The following ACSM3 variants were observed in gnomAD, a reference collection of about 807,000 sequenced individuals.
ACSM3 encodes the protein acyl-CoA synthetase medium chain family member 3.
In ACSM3, 61 loss-of-function variants were observed where a neutral mutation model predicts 74.1. The ratio of observed to expected loss-of-function variants is 0.82; its 90% CI spans 0.67 to 1.02. The LOEUF is 1.02. Among genes scored for constraint, ACSM3 ranks in the 50% least tolerant of loss-of-function variants. The probability of loss-of-function intolerance (pLI) is 0.00; values close to 1 mark genes in which losing one functional copy is unlikely to be tolerated. For synonymous variants in ACSM3, 213 were observed against 241.5 expected (o/e 0.88, Z 1.09); for missense variants, 660 against 697.0 (o/e 0.95, Z 0.60).
upstream of ACSM3, among the ~76,000 whole-genome samples, chr16:20,760,124 A>G (rs2080065185): frequency 6.6e-6 from 1 of 152,212 alleles, no homozygotes; most frequent in Admixed American, 6.5e-5. Context: ...TCTTTGTAGC[A>G]ATAAGATCCA....
At chr16:20,738,896 C>A (rs373262312) in intron 1 of ACSM3, 1 of 1,614,016 alleles carries the variant, frequency 6.2e-7, no homozygotes, top group Non-Finnish European at 8.5e-7. Context: ...ATTTGTCACA[C>A]CTATCCCAAG....
chr16:20,776,964 C>T (rs2080263282), intron 3 of ACSM3, among the ~76,000 whole-genome samples: 1 of 152,222 alleles, frequency 6.6e-6, no homozygotes, highest in Non-Finnish European at 1.5e-5. Flanking sequence ...TGCACTGTCA[C>T]TTACTACTTA....
At chr16:20,711,724 A>C in intron 1 of ACSM3, 1 of 430,434 alleles carries the variant, frequency 2.3e-6, no homozygotes, top group Admixed American at 3.3e-5. Flanking sequence ...GCAACAACAC[A>C]AATTATTGCT....
chr16:20,691,000 C>T (rs2079642972), intron 1 of ACSM3: 4 of 1,608,818 alleles, frequency 2.5e-6, no homozygotes, highest in East Asian at 2.2e-5. Flanking sequence ...CTCTTACCTT[C>T]TCCTTTTGAG....
At chr16:20,701,107 G>A (rs969912959) in intron 1 of ACSM3, among the ~76,000 whole-genome samples, 9 of 151,968 alleles carry the variant, frequency 5.9e-5, no homozygotes, top group African/African-American at 2.2e-4. Context: ...TAATATAAAT[G>A]GTAGGTCATA....
upstream of ACSM3, among the ~76,000 whole-genome samples, chr16:20,759,400 A>G (rs2080058115): frequency 6.6e-6 from 1 of 152,248 alleles, no homozygotes; most frequent in African/African-American, 2.4e-5. Flanking sequence ...TCTACTAAAA[A>G]TACAAAAAAA....
rs148255551 is a variant in ACSM3 at position 20,773,657 on chromosome 16, TAC to T, written c.220-2180_220-2179del. Among the ~76,000 whole-genome samples the T allele has an allele frequency of 6.7e-3, 1,015 of 152,320 alleles. 18 individuals are homozygous for T. Among genetic ancestry groups the T allele is most frequent in the African/African-American group, 0.023 (952 of 41,572 alleles). ...ATGTTGTTTAATTTCCATGTATTTGTACAGTTTTCCAAAGTTCCTCTTGTTAC... is the reference window on the plus strand; with the variant it reads ...ATGTTGTTTAATTTCCATGTATTTGTAGTTTTCCAAAGTTCCTCTTGTTAC... On this transcript the variant is annotated intron_variant, in intron 2 of 13. Transcript: ENST00000289416.
chr16:20,732,233 T>C (rs1439510907), intron 1 of ACSM3, among the ~76,000 whole-genome samples: 1 of 152,192 alleles, frequency 6.6e-6, no homozygotes, highest in African/African-American at 2.4e-5. Flanking sequence ...GATGGCCCTG[T>C]AGTTTCCTTC....
chr16:20,761,887 G>A (rs2080079833), upstream of ACSM3, among the ~76,000 whole-genome samples: 1 of 152,182 alleles, frequency 6.6e-6, no homozygotes, highest in Non-Finnish European at 1.5e-5. Context: ...CCTCAAATGA[G>A]AATGTGCACA....
intron 1 of ACSM3, among the ~76,000 whole-genome samples, chr16:20,686,346 A>G (rs1342615014): frequency 6.6e-6 from 1 of 152,130 alleles, no homozygotes; most frequent in African/African-American, 2.4e-5. Context: ...AAATAGCTTC[A>G]TGGGAGGTCT....
intron 9 of ACSM3, among the ~76,000 whole-genome samples, chr16:20,788,690 A>G (rs569940594): frequency 9.8e-5 from 15 of 152,312 alleles, no homozygotes; most frequent in African/African-American, 3.6e-4. Context: ...ATGTTTAAAC[A>G]TTTTAAGACC....
At chr16:20,731,659 T>C (rs1440811988) in intron 1 of ACSM3, 1 of 393,858 alleles carries the variant, frequency 2.5e-6, no homozygotes, top group Non-Finnish European at 4.6e-6. Flanking sequence ...ATCCTGTAAG[T>C]CCTACAGCCT....
chr16:20,710,286 A>G (rs1408903090), intron 1 of ACSM3, among the ~76,000 whole-genome samples: 1 of 152,146 alleles, frequency 6.6e-6, no homozygotes, highest in African/African-American at 2.4e-5. Context: ...GCACAACCAC[A>G]TGGACCTTCC....
intron 1 of ACSM3, among the ~76,000 whole-genome samples, chr16:20,749,111 GAACT>G (rs1264731817): frequency 6.6e-6 from 1 of 151,934 alleles, no homozygotes; most frequent in African/African-American, 2.4e-5. Flanking sequence ...TGTGTAATAT[GAACT>G]AACTTATGTT....
intron 1 of ACSM3, among the ~76,000 whole-genome samples, chr16:20,706,859 G>A (rs1390881900): frequency 6.6e-6 from 1 of 152,098 alleles, no homozygotes; most frequent in African/African-American, 2.4e-5. Flanking sequence ...GACCCAGAGA[G>A]AGACATGTCC....
chr16:20,691,178 A>C, intron 1 of ACSM3: 1 of 1,592,096 alleles, frequency 6.3e-7, no homozygotes, highest in Non-Finnish European at 8.5e-7. Flanking sequence ...GAACCTCATT[A>C]GCCACTGCAT....
At chr16:20,705,843 T>C (rs1265803074) in intron 1 of ACSM3, among the ~76,000 whole-genome samples, 1 of 152,112 alleles carries the variant, frequency 6.6e-6, no homozygotes, top group Non-Finnish European at 1.5e-5. Flanking sequence ...GCTCAAGGAC[T>C]AAAAAATTAT....
intron 3 of ACSM3, among the ~76,000 whole-genome samples, chr16:20,776,639 TC>T (rs2080259171): frequency 6.6e-6 from 1 of 152,198 alleles, no homozygotes; most frequent in South Asian, 2.1e-4. Context: ...ACTCATTTAA[TC>T]CCCTAATTAT....
At chr16:20,778,493 G>A (rs1218172125) in intron 4 of ACSM3, among the ~76,000 whole-genome samples, 2 of 152,130 alleles carry the variant, frequency 1.3e-5, no homozygotes, top group Non-Finnish European at 2.9e-5. Flanking sequence ...ACGGTTATGT[G>A]CCAGAAACTA....
Sources: gnomAD v4.1 joint callset for allele counts (sites outside exome capture counted in the v4.1 genomes callset) on GRCh38, gnomAD v4.1.1 for gene constraint, MANE v1.5 for transcripts, NCBI Gene and HGNC (gene_info 2026-07-23, HGNC 2026-07-21) for gene names.